Variants in CSGALNACT1 observed in about 807,000 individuals in gnomAD.
CSGALNACT1 encodes the protein beta4GalNAcT-1.
A neutral mutation model predicts 51.0 loss-of-function variants in CSGALNACT1; 52 were observed. The ratio of observed to expected loss-of-function variants is 1.02; its 90% CI spans 0.82 to 1.29. CSGALNACT1 has a LOEUF of 1.29. Ranked by LOEUF, CSGALNACT1 falls within the 50% of genes most tolerant of loss-of-function variation. The pLI, the probability that CSGALNACT1 is intolerant of heterozygous loss-of-function variation, is 0.00. For missense variants in CSGALNACT1, 935 were observed against 679.2 expected, an observed-to-expected ratio of 1.38 and a Z score of -4.19; for synonymous variants, 341 against 254.4, an observed-to-expected ratio of 1.34 and a Z score of -3.24.
At chr8:19,443,736 A>G (rs2061687212) in intron 5 of CSGALNACT1, among the ~76,000 whole-genome samples, 1 of 152,180 alleles carries the variant, frequency 6.6e-6, no homozygotes, top group South Asian at 2.1e-4. Flanking sequence ...GGATATAGCT[A>G]AACCATATTA....
intron 1 of CSGALNACT1, among the ~76,000 whole-genome samples, chr8:19,639,871 G>C (rs2056536234): frequency 6.6e-6 from 1 of 151,746 alleles, no homozygotes; most frequent in South Asian, 2.1e-4. Flanking sequence ...GAACAGTTTT[G>C]TTTTGTTTTG....
rs140693586 is a variant in CSGALNACT1 at position 19,561,223 on chromosome 8, A to G, written c.-297+29937T>C. ...ATGGAAGGTTATGGACAATCTGTCA[A>G]TCTTCTGTGTTATATAGGTATCTAC... On this transcript the variant is annotated intron_variant, in intron 3 of 9. Coordinates refer to ENST00000454498, the Ensembl canonical transcript of CSGALNACT1. 1.7e-4 allele frequency among the ~76,000 whole-genome samples: 26 copies of G among 152,330 alleles called. No individual in the cohort carries two copies. In the East Asian group the frequency reaches 4.4e-3, roughly 26 times the overall value.
intron 1 of CSGALNACT1, among the ~76,000 whole-genome samples, chr8:19,691,936 A>C (rs2061347277): frequency 6.6e-6 from 1 of 152,198 alleles, no homozygotes; most frequent in Non-Finnish European, 1.5e-5. Flanking sequence ...GTAATTTCTA[A>C]AGAAAAGAGG....
intron 1 of CSGALNACT1, among the ~76,000 whole-genome samples, chr8:19,674,518 C>G (rs2060027723): frequency 6.6e-6 from 1 of 151,866 alleles, no homozygotes; most frequent in South Asian, 2.1e-4. Flanking sequence ...GTGTTTAGAG[C>G]CAGAGGAGGG....
chr8:19,633,681 A>G (rs1337276203), intron 1 of CSGALNACT1, among the ~76,000 whole-genome samples: 1 of 152,184 alleles, frequency 6.6e-6, no homozygotes. Flanking sequence ...CCAGACTTTT[A>G]GCTTTCAGAT....
At chr8:19,751,519 G>A (rs912208917) in intron 1 of CSGALNACT1, among the ~76,000 whole-genome samples, 1 of 152,066 alleles carries the variant, frequency 6.6e-6, no homozygotes, top group African/African-American at 2.4e-5. Context: ...AGATTATTGC[G>A]ACTACTAGAA....
chr8:19,443,505 A>G (rs1421137782), intron 5 of CSGALNACT1, among the ~76,000 whole-genome samples: 1 of 152,184 alleles, frequency 6.6e-6, no homozygotes, highest in Non-Finnish European at 1.5e-5. Context: ...AGGTCTCACA[A>G]TCATGGCAGA....
chr8:19,602,976 A>T (rs906420183), upstream of CSGALNACT1, among the ~76,000 whole-genome samples: 6 of 150,114 alleles, frequency 4.0e-5, no homozygotes, highest in Non-Finnish European at 7.4e-5. Context: ...TGCTATTTTT[A>T]TATATATATA....
At chr8:19,546,421 G>A (rs146725361) in intron 3 of CSGALNACT1, among the ~76,000 whole-genome samples, 1,587 of 152,146 alleles carry the variant, frequency 0.01, 23 homozygotes, top group African/African-American at 0.036. Flanking sequence ...GGAATATTAA[G>A]GACTTTGTGG....
intron 4 of CSGALNACT1, among the ~76,000 whole-genome samples, chr8:19,479,161 C>CA (rs2070656667): frequency 6.6e-6 from 1 of 152,190 alleles, no homozygotes; most frequent in Non-Finnish European, 1.5e-5. Flanking sequence ...AGCAGGGAGC[C>CA]ATCTGCGTAA....
intron 4 of CSGALNACT1, among the ~76,000 whole-genome samples, chr8:19,495,778 G>A (rs1310980614): frequency 6.6e-6 from 1 of 152,246 alleles, no homozygotes; most frequent in African/African-American, 2.4e-5. Context: ...AAGGGTTTGT[G>A]TGAGGTGATG....
At chr8:19,662,297 A>G (rs139709394) in intron 1 of CSGALNACT1, among the ~76,000 whole-genome samples, 2 of 151,954 alleles carry the variant, frequency 1.3e-5, no homozygotes, top group African/African-American at 4.8e-5. Flanking sequence ...GCAGGAAATC[A>G]CATGAACCCA....
At chr8:19,429,730 T>C (rs1389602516) in intron 6 of CSGALNACT1, among the ~76,000 whole-genome samples, 2 of 152,270 alleles carry the variant, frequency 1.3e-5, no homozygotes, top group Non-Finnish European at 2.9e-5. Flanking sequence ...TCTGTTCTTT[T>C]GGGTATATAC....
intron 3 of CSGALNACT1, among the ~76,000 whole-genome samples, chr8:19,573,408 T>C (rs1305587821): frequency 6.6e-6 from 1 of 152,170 alleles, no homozygotes; most frequent in Non-Finnish European, 1.5e-5. Flanking sequence ...TGTTCACTCT[T>C]AGTTGACTAA....
intron 1 of CSGALNACT1, among the ~76,000 whole-genome samples, chr8:19,710,607 C>G (rs929259312): frequency 6.6e-6 from 1 of 151,902 alleles, no homozygotes; most frequent in Non-Finnish European, 1.5e-5. Context: ...GAGTGGTCCA[C>G]GAGTTCTTGT....
chr8:19,538,509 A>C (rs193103143), intron 3 of CSGALNACT1, among the ~76,000 whole-genome samples: 62 of 152,284 alleles, frequency 4.1e-4, no homozygotes, highest in Middle Eastern at 3.4e-3. Context: ...AGTAGAGAGC[A>C]ATGTATGAAC....
intron 2 of CSGALNACT1, among the ~76,000 whole-genome samples, chr8:19,601,274 A>G (rs75206138): frequency 0.033 from 4,993 of 152,334 alleles, 283 homozygotes; most frequent in African/African-American, 0.11. Flanking sequence ...CTAAGACACC[A>G]TATGTCAGAA....
intron 8 of CSGALNACT1, among the ~76,000 whole-genome samples, chr8:19,411,731 A>G (rs1172827842): frequency 2.0e-5 from 3 of 152,240 alleles, no homozygotes; most frequent in Non-Finnish European, 4.4e-5. Context: ...GTCTGCTACA[A>G]TAGAGGAGGA....
chr8:19,471,229 G>A (rs1219027482), intron 4 of CSGALNACT1, among the ~76,000 whole-genome samples: 3 of 152,186 alleles, frequency 2.0e-5, no homozygotes, highest in African/African-American at 7.2e-5. Context: ...CTCACTAAAC[G>A]CACTGCGCTT....
Sources: gnomAD v4.1 joint callset for allele counts (sites outside exome capture counted in the v4.1 genomes callset) on GRCh38, gnomAD v4.1.1 for gene constraint, MANE v1.5 for transcripts, NCBI Gene and HGNC (gene_info 2026-07-23, HGNC 2026-07-21) for gene names.